Variants in DTHD1 observed in about 807,000 individuals in gnomAD.
DTHD1 encodes death domain-containing protein 1.
Under a neutral mutation model 74.8 loss-of-function variants are expected in DTHD1, and 59 were observed. The ratio of observed to expected loss-of-function variants is 0.79; its 90% CI spans 0.64 to 0.98. The LOEUF (loss-of-function observed/expected upper bound fraction) is 0.98. Among genes scored for constraint, DTHD1 ranks in the 50% least tolerant of loss-of-function variants. The probability of loss-of-function intolerance (pLI) is 0.00; values close to 1 mark genes in which losing one functional copy is unlikely to be tolerated. For synonymous variants in DTHD1, 365 were observed against 371.1 expected, an observed-to-expected ratio of 0.98 and a Z score of 0.19; for missense variants, 1,051 against 1,065.4, an observed-to-expected ratio of 0.99 and a Z score of 0.19.
chr4:36,329,100 G>A (rs1758521460), intron 8 of DTHD1, among the ~76,000 whole-genome samples: 1 of 152,202 alleles, frequency 6.6e-6, no homozygotes, highest in African/African-American at 2.4e-5. Context: ...CCTTGGGCAA[G>A]CCAGATCCTT....
chr4:36,319,459 G>GGA (rs1757936222), intron 8 of DTHD1, among the ~76,000 whole-genome samples: 1 of 152,230 alleles, frequency 6.6e-6, no homozygotes. Context: ...GATGTGGAGT[G>GGA]GAGAGGGGTA....
At chr4:36,284,758 C>T (rs1451747517) in intron 2 of DTHD1, among the ~76,000 whole-genome samples, 167 bp downstream of exon 2, 2 of 152,106 alleles carry the variant, frequency 1.3e-5, no homozygotes, top group Non-Finnish European at 2.9e-5. Flanking sequence ...GCTTGGAAAT[C>T]CAAAATCAAG....
chr4:36,328,262 G>A (rs1245343502), intron 8 of DTHD1, among the ~76,000 whole-genome samples: 1 of 152,180 alleles, frequency 6.6e-6, no homozygotes, highest in Admixed American at 6.5e-5. Flanking sequence ...TTGTTCCACA[G>A]CAATCTTACT....
At chr4:36,293,412 G>A in intron 3 of DTHD1, 114 bp from the exon 4 acceptor site, 1 of 784,294 alleles carries the variant, frequency 1.3e-6, no homozygotes, top group South Asian at 5.3e-5. Context: ...ATTTTAAGTT[G>A]TAGGTGATTA....
chr4:36,330,814 C>G (rs1004806772), intron 8 of DTHD1, among the ~76,000 whole-genome samples: 4 of 152,118 alleles, frequency 2.6e-5, no homozygotes, highest in African/African-American at 9.7e-5. Context: ...ATGTTGAACA[C>G]AAAACTACAG....
At position 36,285,616 on chromosome 4, in the gene DTHD1, C is replaced by T. The variant is rs566210680; in HGVS notation, c.887+1025C>T. On this transcript the variant is annotated intron_variant, in intron 2 of 9. Transcript: ENST00000639862. ...ATAAGATATTCACAGACCATATTTT[C>T]CCAGACAAACATAACACGCTTAGAA... Among the ~76,000 whole-genome samples the T allele has an allele frequency of 6.5e-4, 97 of 149,606 alleles. 2 individuals are homozygous for T. The South Asian group carries it at 0.01, about 15-fold the overall frequency.
intron 4 of DTHD1, 136 bp from the exon 5 acceptor site, chr4:36,294,659 T>C (rs914498826): frequency 1.6e-5 from 12 of 743,228 alleles, no homozygotes; most frequent in Admixed American, 3.8e-5. Context: ...AAATGCATTG[T>C]TGATTACAAC....
intron 9 of DTHD1, among the ~76,000 whole-genome samples, chr4:36,342,482 T>C (rs1272484436): frequency 1.3e-5 from 2 of 151,696 alleles, no homozygotes; most frequent in Non-Finnish European, 2.9e-5. Flanking sequence ...AGGAGAGAGA[T>C]AGTAGGGGAC....
chr4:36,332,187 A>AAAAATAAAATAAAATAAAATAAAAT (rs11269624), intron 8 of DTHD1, among the ~76,000 whole-genome samples: 6 of 139,750 alleles, frequency 4.3e-5, no homozygotes, highest in Non-Finnish European at 9.3e-5. Flanking sequence ...CACTGTCTCA[A>AAAAATAAAATAAAATAAAATAAAAT]AAAATAAAAT....
At chr4:36,331,141 C>T (rs1241108499) in intron 8 of DTHD1, among the ~76,000 whole-genome samples, 1 of 151,840 alleles carries the variant, frequency 6.6e-6, no homozygotes, top group East Asian at 1.9e-4. Flanking sequence ...TATTTTGTTA[C>T]TAAAATACAC....
intron 5 of DTHD1, among the ~76,000 whole-genome samples, chr4:36,302,432 A>C (rs1231104069): frequency 1.2e-4 from 19 of 152,224 alleles, no homozygotes; most frequent in South Asian, 2.1e-4. Context: ...CGTTTCTCTC[A>C]GCTGTGTGGT....
intron 6 of DTHD1, among the ~76,000 whole-genome samples, chr4:36,307,271 G>T (rs1757113961): frequency 6.6e-6 from 1 of 152,164 alleles, no homozygotes; most frequent in Non-Finnish European, 1.5e-5. Flanking sequence ...AGTTCTGGAG[G>T]CCAGAAGTAC....
chr4:36,282,297 G>C (rs1410613278), intron 1 of DTHD1, among the ~76,000 whole-genome samples: 1 of 152,182 alleles, frequency 6.6e-6, no homozygotes, highest in Admixed American at 6.5e-5. Flanking sequence ...TGAGAAGTTT[G>C]CTAGAAAAAT....
At chr4:36,291,091 C>T (rs1389130847) in intron 3 of DTHD1, among the ~76,000 whole-genome samples, 1 of 152,038 alleles carries the variant, frequency 6.6e-6, no homozygotes, top group African/African-American at 2.4e-5. Context: ...TTATTATCCA[C>T]GGGTTGGGAA....
intron 8 of DTHD1, among the ~76,000 whole-genome samples, chr4:36,327,446 T>C (rs1477842881): frequency 6.6e-6 from 1 of 152,232 alleles, no homozygotes; most frequent in Non-Finnish European, 1.5e-5. Flanking sequence ...CAATGCTGTA[T>C]ATCTTTCTTT....
At chr4:36,296,382 A>T (rs541016457) in intron 5 of DTHD1, among the ~76,000 whole-genome samples, 6 of 152,292 alleles carry the variant, frequency 3.9e-5, no homozygotes, top group African/African-American at 1.4e-4. Flanking sequence ...ATCGAGAACA[A>T]GCAAGTATTA....
chr4:36,294,734 A>G (rs1756282891), intron 4 of DTHD1, 61 bp from the exon 5 acceptor site: 1 of 1,427,844 alleles, frequency 7.0e-7, no homozygotes. Flanking sequence ...TGGATTAGAA[A>G]TGTACCAATA....
intron 2 of DTHD1, among the ~76,000 whole-genome samples, chr4:36,287,549 A>C (rs886541479): frequency 1.6e-4 from 25 of 152,282 alleles, no homozygotes; most frequent in African/African-American, 6.0e-4. Flanking sequence ...TTAGTTCTTT[A>C]AGGATTCTCC....
chr4:36,316,918 T>A (rs1757771999), intron 8 of DTHD1, among the ~76,000 whole-genome samples: 1 of 152,252 alleles, frequency 6.6e-6, no homozygotes, highest in African/African-American at 2.4e-5. Flanking sequence ...TGAGTTATGT[T>A]TGCCTAAAAT....
Sources: allele counts gnomAD v4.1 joint callset (sites outside exome capture counted in the v4.1 genomes callset), GRCh38; gene constraint gnomAD v4.1.1; transcripts MANE v1.5; gene names NCBI Gene and HGNC (gene_info 2026-07-23, HGNC 2026-07-21).